PTPRG: variants seen among roughly 807,000 people sequenced by gnomAD.
The protein encoded by PTPRG is receptor-type tyrosine-protein phosphatase gamma.
In PTPRG, 102 loss-of-function variants were observed where a neutral mutation model predicts 165.3. The observed-to-expected ratio is 0.62, with a 90% confidence interval of 0.53 to 0.73. The LOEUF (loss-of-function observed/expected upper bound fraction) is 0.73. Among genes scored for constraint, PTPRG ranks in the 30% least tolerant of loss-of-function variants. The pLI, the probability that PTPRG is intolerant of heterozygous loss-of-function variation, is 0.00. For missense variants in PTPRG, 1,866 were observed against 1,861.4 expected, an observed-to-expected ratio of 1.00 and a Z score of -0.05; for synonymous variants, 675 against 669.5, an observed-to-expected ratio of 1.01 and a Z score of -0.13.
chr3:61,633,976 GT>G (rs1701835031), intron 1 of PTPRG, among the ~76,000 whole-genome samples: 1 of 151,486 alleles, frequency 6.6e-6, no homozygotes, highest in African/African-American at 2.4e-5. Context: ...GTGCAGTGGT[GT>G]GATCTCAGCT....
chr3:61,804,679 C>CA (rs201093675), intron 2 of PTPRG, among the ~76,000 whole-genome samples: 8,392 of 115,236 alleles, frequency 0.073, 266 homozygotes, highest in Middle Eastern at 0.17. Context: ...TTTCTCTCTC[C>CA]AAAAAAAAAA....
chr3:62,234,125 T>A (rs1017884631), intron 14 of PTPRG, among the ~76,000 whole-genome samples: 77 of 152,208 alleles, frequency 5.1e-4, no homozygotes, highest in Admixed American at 3.1e-3. Flanking sequence ...GCCTTGCTGT[T>A]CTCACTTAAC....
chr3:61,937,555 A>G (rs2039510497), intron 2 of PTPRG, among the ~76,000 whole-genome samples: 1 of 152,246 alleles, frequency 6.6e-6, no homozygotes, highest in Non-Finnish European at 1.5e-5. Flanking sequence ...AATGCTTAAA[A>G]ATAATGTAAA....
At chr3:61,642,944 G>A (rs1218250203) in intron 1 of PTPRG, among the ~76,000 whole-genome samples, 5 of 152,164 alleles carry the variant, frequency 3.3e-5, no homozygotes, top group African/African-American at 1.2e-4. Context: ...CTCCAAGGAA[G>A]TAGTCTTATA....
At chr3:61,587,894 A>C (rs970771338) in intron 1 of PTPRG, among the ~76,000 whole-genome samples, 5 of 151,480 alleles carry the variant, frequency 3.3e-5, no homozygotes, top group African/African-American at 1.2e-4. Context: ...CCTGGGCTTA[A>C]GTGATCCTTC....
At chr3:61,611,250 G>A (rs1701157896) in intron 1 of PTPRG, among the ~76,000 whole-genome samples, 2 of 152,192 alleles carry the variant, frequency 1.3e-5, no homozygotes, top group Non-Finnish European at 2.9e-5. Context: ...TTATCAGAAT[G>A]TTATTCAGCT....
intron 2 of PTPRG, among the ~76,000 whole-genome samples, chr3:61,793,537 T>C (rs529285746): frequency 1.3e-5 from 2 of 152,222 alleles, no homozygotes; most frequent in Non-Finnish European, 2.9e-5. Context: ...CCTTAAACTT[T>C]TTAATTATTT....
chr3:61,890,408 CTTTGTTTTTTT>C (rs1478444957), intron 2 of PTPRG, among the ~76,000 whole-genome samples: 2 of 89,904 alleles, frequency 2.2e-5, no homozygotes, highest in African/African-American at 1.4e-4. Flanking sequence ...GTTTCTTGTT[CTTTGTTTTTTT>C]TTTGTTTTTT....
intron 1 of PTPRG, among the ~76,000 whole-genome samples, chr3:61,613,380 T>C (rs1252933102): frequency 2.0e-5 from 3 of 152,230 alleles, no homozygotes; most frequent in African/African-American, 7.2e-5. Context: ...TAATATTCCC[T>C]TGTGGCTCAA....
chr3:61,907,288 A>G (rs182272578), intron 2 of PTPRG, among the ~76,000 whole-genome samples: 389 of 152,306 alleles, frequency 2.6e-3, no homozygotes, highest in Middle Eastern at 0.02. Flanking sequence ...TCTAAAACCA[A>G]CAATTGAGAA....
intron 2 of PTPRG, among the ~76,000 whole-genome samples, chr3:61,927,236 A>G (rs1359926413): frequency 1.3e-5 from 2 of 152,306 alleles, no homozygotes; most frequent in South Asian, 2.1e-4. Context: ...TCCACAAAAC[A>G]CTGAGGGCTT....
At chr3:62,128,617 C>T (rs1331859912) in intron 5 of PTPRG, among the ~76,000 whole-genome samples, 1 of 151,236 alleles carries the variant, frequency 6.6e-6, no homozygotes, top group Non-Finnish European at 1.5e-5. Context: ...GTTTAATCCT[C>T]ATGACAACAT....
chr3:61,927,575 G>A (rs73842144), intron 2 of PTPRG, among the ~76,000 whole-genome samples: 4,573 of 152,234 alleles, frequency 0.03, 216 homozygotes, highest in African/African-American at 0.1. Flanking sequence ...TGCTGGCTGA[G>A]TTTTGAGAAG....
At chr3:62,202,519 C>T (rs758190749) in intron 11 of PTPRG, among the ~76,000 whole-genome samples, 11 of 152,204 alleles carry the variant, frequency 7.2e-5, no homozygotes, top group East Asian at 1.9e-4. Context: ...GATTTTCCCA[C>T]GGATCAACTT....
chr3:62,124,477 G>A, intron 5 of PTPRG: 1 of 1,611,466 alleles, frequency 6.2e-7, no homozygotes. Flanking sequence ...CCTTGAGCTT[G>A]GAGTAGCAGT....
intron 1 of PTPRG, among the ~76,000 whole-genome samples, chr3:61,670,910 G>A (rs577250052): frequency 2.9e-4 from 44 of 152,276 alleles, no homozygotes; most frequent in South Asian, 6.2e-4. Context: ...CCTGACTTGG[G>A]GTGGGGAGTG....
rs184536197 is a variant in PTPRG, at chr3:61,776,701, G to A, written c.190+27719G>A. ...TATCTGTAGCCTTATATTTTGCCAC[G>A]GTCTGTCTTGTCATTCTTGAACATT... On this transcript the variant is annotated intron_variant, in intron 2 of 29. Transcript: ENST00000474889. Among the ~76,000 whole-genome samples the A allele has an allele frequency of 3.5e-3, 530 of 151,876 alleles. 3 individuals carry two copies. Among genetic ancestry groups the A allele is most frequent in the Admixed American group, 0.016 (237 of 15,222 alleles).
At chr3:61,562,396 T>C (rs1241603041) in intron 1 of PTPRG, 24 bp downstream of exon 1, 2 of 1,609,632 alleles carry the variant, frequency 1.2e-6, no homozygotes, top group Non-Finnish European at 1.7e-6. Context: ...GCCGAGGGGA[T>C]GCGGCCCCGG....
intron 2 of PTPRG, among the ~76,000 whole-genome samples, chr3:61,971,127 A>G (rs2040372160): frequency 6.6e-6 from 1 of 152,190 alleles, no homozygotes; most frequent in Admixed American, 6.5e-5. Flanking sequence ...ATCTCAGCCA[A>G]CTGCATCCTC....
Sources: gnomAD v4.1 joint callset for allele counts (sites outside exome capture counted in the v4.1 genomes callset) on GRCh38, gnomAD v4.1.1 for gene constraint, MANE v1.5 for transcripts, NCBI Gene and HGNC (gene_info 2026-07-23, HGNC 2026-07-21) for gene names.